RTN4RL1: variants seen among roughly 807,000 people sequenced by gnomAD.
The protein encoded by RTN4RL1 is reticulon 4 receptor like 1.
RTN4RL1 carries 7 observed loss-of-function variants against 25.6 expected under a neutral mutation model. The ratio of observed to expected loss-of-function variants is 0.27; its 90% CI spans 0.16 to 0.51. The LOEUF is 0.51. Ranked by LOEUF, RTN4RL1 falls within the 20% of genes least tolerant of loss-of-function variation. The probability of loss-of-function intolerance (pLI) is 0.97; values close to 1 mark genes in which losing one functional copy is unlikely to be tolerated. For missense variants in RTN4RL1, 500 were observed against 615.6 expected (o/e 0.81, Z 1.99); for synonymous variants, 297 against 288.2 (o/e 1.03, Z -0.31).
Position 1,967,636 on chromosome 17 carries a change from GTCTC to G in RTN4RL1, c.14-29832_14-29829del, listed in dbSNP as rs1235634450. Among the ~76,000 whole-genome samples the G allele has an allele frequency of 7.3e-5, 11 of 150,724 alleles. No individual in the cohort carries two copies. In the East Asian group the frequency reaches 7.7e-4, roughly 11 times the overall value. ...TGTTGCCCAAGCCCAACACTTTCCA[GTCTC>G]TCTCTTTCTTTTTTTTTTTAAAACA... On this transcript the variant is annotated intron_variant, in intron 1 of 1. Transcript: ENST00000331238.
rs1409949762 is a variant in RTN4RL1, at chr17:1,936,266, G to T, written c.*230C>A. 5 of 1,370,778 alleles carry T rather than the reference G, an allele frequency of 3.6e-6. No individual in the cohort carries two copies. The highest frequency in any genetic ancestry group is 4.7e-6 in the Non-Finnish European group (5 of 1,069,122). 84.9% of individuals were successfully genotyped at this position (1,370,778 alleles called of 1,614,324 possible). ...AGTGGACACTGTCCGTGGGCGCTCT[G>T]CGGGGCTGGCTGGGACAGCCGGCTG... is the stretch of plus-strand genomic sequence containing the variant. On this transcript the variant is annotated 3_prime_UTR_variant, in exon 2 of 2. Coordinates refer to ENST00000331238, the MANE Select transcript of RTN4RL1 (RefSeq NM_178568.4).
At position 1,937,738 on chromosome 17, in the gene RTN4RL1, G is replaced by A. The variant is rs779730913; in HGVS notation, c.84C>T (p.Asp28=). The A allele has an allele frequency of 6.2e-7, 1 of 1,609,184 alleles. No homozygotes were observed. The highest frequency in any genetic ancestry group is 1.1e-5 in the South Asian group (1 of 91,044). ...TCATGGGCGCCGGGTAGCACACACA[G>A]TCCCGTGGGCAGCCACCACCCAGGG... ...ELPLGGGCPR[D]CVCYPAPMTV... is the part of the protein sequence containing the mutation. The change falls in exon 2 of 2, where the codon GAC becomes GAT. Residue 28 remains aspartate, a synonymous_variant. Coordinates refer to ENST00000331238, the MANE Select transcript of RTN4RL1 (RefSeq NM_178568.4).
At chr17:1,987,164 C>G (rs570884452) in intron 1 of RTN4RL1, among the ~76,000 whole-genome samples, 1 of 152,266 alleles carries the variant, frequency 6.6e-6, no homozygotes, top group East Asian at 1.9e-4. Context: ...CCACAGAACC[C>G]TGCTTTTCCT....
intron 1 of RTN4RL1, among the ~76,000 whole-genome samples, chr17:1,963,647 G>C (rs2066775776): frequency 6.6e-6 from 1 of 152,240 alleles, no homozygotes; most frequent in African/African-American, 2.4e-5. Flanking sequence ...ATGGGAATTT[G>C]CACTTCACCA....
chr17:1,995,347 AC>A (rs1290204513), intron 1 of RTN4RL1, among the ~76,000 whole-genome samples: 1 of 149,966 alleles, frequency 6.7e-6, no homozygotes. Flanking sequence ...AATCACTTAA[AC>A]TCGGGAGGCG....
chr17:2,005,939 G>A (rs977036112), intron 1 of RTN4RL1, among the ~76,000 whole-genome samples: 6 of 150,908 alleles, frequency 4.0e-5, no homozygotes, highest in East Asian at 3.9e-4. Context: ...TGGGACCACC[G>A]GTGCATGCCG....
intron 1 of RTN4RL1, among the ~76,000 whole-genome samples, chr17:1,970,953 T>G (rs1037903601): frequency 6.6e-6 from 1 of 152,224 alleles, no homozygotes; most frequent in Non-Finnish European, 1.5e-5. Context: ...CTCACACTTC[T>G]GCAGTATATT....
chr17:1,961,807 G>C (rs1456780140), intron 1 of RTN4RL1, among the ~76,000 whole-genome samples: 3 of 118,382 alleles, frequency 2.5e-5, no homozygotes, highest in African/African-American at 1.0e-4. Context: ...AATTAGCAGG[G>C]CGTGGTGGCA....
At chr17:1,973,896 G>T (rs535844910) in intron 1 of RTN4RL1, among the ~76,000 whole-genome samples, 1 of 151,972 alleles carries the variant, frequency 6.6e-6, no homozygotes, top group Non-Finnish European at 1.5e-5. Flanking sequence ...AAAATTAGCC[G>T]GGTGTGGTAG....
chr17:1,988,602 C>T (rs552415816), intron 1 of RTN4RL1, among the ~76,000 whole-genome samples: 4 of 152,044 alleles, frequency 2.6e-5, no homozygotes, highest in Non-Finnish European at 4.4e-5. Context: ...CTCTCCACCG[C>T]ATCCCTAGCA....
Position 1,937,723 on chromosome 17 carries a change from C to T in RTN4RL1, c.99G>A (p.Pro33=), listed in dbSNP as rs375237920. 1.9e-5 allele frequency: 30 copies of T among 1,611,278 alleles called. No individual in the cohort carries two copies. The highest frequency in any genetic ancestry group is 2.3e-5 in the Non-Finnish European group (27 of 1,179,754). ...GGCPRDCVCY[P]APMTVSCQAH... ...CCTGGCAGCTGACCGTCATGGGCGCCGGGTAGCACACACAGTCCCGTGGGC... is the reference window on the plus strand; with the variant it reads ...CCTGGCAGCTGACCGTCATGGGCGCTGGGTAGCACACACAGTCCCGTGGGC... The change falls in exon 2 of 2, where the codon CCG becomes CCA. Residue 33 remains proline, a synonymous_variant. Coordinates refer to ENST00000331238, the MANE Select transcript of RTN4RL1 (RefSeq NM_178568.4).
At chr17:1,964,572 A>G (rs1364817776) in intron 1 of RTN4RL1, among the ~76,000 whole-genome samples, 1 of 151,942 alleles carries the variant, frequency 6.6e-6, no homozygotes, top group African/African-American at 2.4e-5. Context: ...CTCTACTAAA[A>G]ATACAAAACA....
chr17:1,969,341 G>A (rs1045731760), intron 1 of RTN4RL1, among the ~76,000 whole-genome samples: 6 of 152,096 alleles, frequency 3.9e-5, no homozygotes, highest in African/African-American at 1.4e-4. Flanking sequence ...ACAGGCATGA[G>A]CCACCATGCC....
At chr17:1,941,035 G>A (rs1240869306) in intron 1 of RTN4RL1, among the ~76,000 whole-genome samples, 1 of 152,172 alleles carries the variant, frequency 6.6e-6, no homozygotes, top group Non-Finnish European at 1.5e-5. Flanking sequence ...CTCGACATTT[G>A]CACAGCTTAC....
intron 1 of RTN4RL1, among the ~76,000 whole-genome samples, chr17:1,984,915 C>T (rs910969549): frequency 2.0e-5 from 3 of 151,698 alleles, no homozygotes; most frequent in African/African-American, 4.8e-5. Context: ...TGCAGTGAGC[C>T]GAGATCCTGC....
intron 1 of RTN4RL1, among the ~76,000 whole-genome samples, chr17:1,990,411 G>C (rs994291028): frequency 6.6e-6 from 1 of 151,700 alleles, no homozygotes; most frequent in Non-Finnish European, 1.5e-5. Context: ...AAAAGTTCTT[G>C]TAGGCCGGGC....
rs2067029927 is a variant in RTN4RL1, at chr17:2,009,705, AG to A, written c.13+15147del. Reference sequence around the variant, plus strand: ...AGAGAGGCATCTGACCCCGATGTAAAGGGGGATCCCCAGATCGGCCACTTCT... The same window carrying A: ...AGAGAGGCATCTGACCCCGATGTAAAGGGGATCCCCAGATCGGCCACTTCT... On this transcript the variant is annotated intron_variant, in intron 1 of 1. Transcript: ENST00000331238. Among the ~76,000 whole-genome samples, 2 of 127,574 alleles carry A rather than the reference AG, an allele frequency of 1.6e-5. 1 individual carries two copies. The highest frequency in any genetic ancestry group is 6.0e-5 in the African/African-American group (2 of 33,368). The allele number at this position is 127,574 out of a possible 152,430, so 83.7% of individuals were successfully genotyped here.
chr17:2,005,199 G>C (rs970307877), intron 1 of RTN4RL1, among the ~76,000 whole-genome samples: 2 of 151,894 alleles, frequency 1.3e-5, no homozygotes, highest in African/African-American at 4.8e-5. Context: ...TGGAGATGTG[G>C]TCTCACTATG....
intron 1 of RTN4RL1, among the ~76,000 whole-genome samples, chr17:1,954,879 T>C (rs1386338798): frequency 6.6e-6 from 1 of 152,184 alleles, no homozygotes; most frequent in African/African-American, 2.4e-5. Flanking sequence ...TATAATAAGT[T>C]GCAGCAGCCA....
Sources: gnomAD v4.1 joint callset for allele counts (sites outside exome capture counted in the v4.1 genomes callset) on GRCh38, gnomAD v4.1.1 for gene constraint, MANE v1.5 for transcripts, NCBI Gene and HGNC (gene_info 2026-07-23, HGNC 2026-07-21) for gene names.